The following PTDSS1 variants were observed in gnomAD, a reference collection of about 807,000 sequenced individuals.
PTDSS1 encodes PSS-1.
Under a neutral mutation model 70.5 loss-of-function variants are expected in PTDSS1, and 45 were observed. That is an observed-to-expected ratio of 0.64 (90% CI 0.50 to 0.82). PTDSS1 has a LOEUF of 0.82. PTDSS1 is among the 40% of genes least tolerant of loss of function. PTDSS1 has a pLI of 0.00. For synonymous variants in PTDSS1, 188 were observed against 203.8 expected (o/e 0.92, Z 0.66); for missense variants, 417 against 586.1 (o/e 0.71, Z 2.98).
chr8:96,310,545 A>C (rs1224472882), intron 9 of PTDSS1, among the ~76,000 whole-genome samples: 1 of 151,766 alleles, frequency 6.6e-6, no homozygotes, highest in East Asian at 1.9e-4. Flanking sequence ...GTTTTATGAA[A>C]TACATTAGAG....
intron 2 of PTDSS1, among the ~76,000 whole-genome samples, chr8:96,276,330 T>C (rs1176769876): frequency 3.3e-5 from 5 of 152,262 alleles, no homozygotes; most frequent in Non-Finnish European, 7.3e-5. Context: ...GTGTGATTTC[T>C]TCTGGCTTTG....
chr8:96,333,335 C>T, intron 12 of PTDSS1, 122 bp from the exon 13 acceptor site: 1 of 805,906 alleles, frequency 1.2e-6, no homozygotes. Context: ...AATGAGGCCA[C>T]TAGGGGGAGT....
intron 2 of PTDSS1, among the ~76,000 whole-genome samples, chr8:96,282,940 A>G (rs1197078947): frequency 7.9e-5 from 12 of 152,042 alleles, no homozygotes; most frequent in African/African-American, 2.7e-4. Flanking sequence ...GAAACCAACC[A>G]TATTCTGAGC....
intron 9 of PTDSS1, among the ~76,000 whole-genome samples, chr8:96,310,437 C>T (rs1811193779): frequency 1.3e-5 from 2 of 151,598 alleles, no homozygotes; most frequent in Non-Finnish European, 2.9e-5. Flanking sequence ...GCTGGGATTA[C>T]AGGCATGAGC....
At chr8:96,279,799 A>G (rs1237085827) in intron 2 of PTDSS1, among the ~76,000 whole-genome samples, 1 of 150,798 alleles carries the variant, frequency 6.6e-6, no homozygotes, top group African/African-American at 2.5e-5. Flanking sequence ...AGCTTAGGCA[A>G]CAGAGCAATA....
chr8:96,300,354 G>C (rs943216522), intron 6 of PTDSS1, among the ~76,000 whole-genome samples: 8 of 152,138 alleles, frequency 5.3e-5, no homozygotes, highest in African/African-American at 1.7e-4. Context: ...GCAACCGAGA[G>C]TCTGTTTGTG....
chr8:96,274,631 A>G (rs1007840505), intron 2 of PTDSS1, among the ~76,000 whole-genome samples: 2 of 152,206 alleles, frequency 1.3e-5, no homozygotes, highest in Admixed American at 6.5e-5. Context: ...AAGCTGAGGC[A>G]GGAGAATCGT....
chr8:96,330,798 A>G (rs1811504672), intron 11 of PTDSS1: 2 of 529,394 alleles, frequency 3.8e-6, no homozygotes, highest in Non-Finnish European at 6.7e-6. Context: ...TTACACCTTC[A>G]GTCTAAAGAA....
chr8:96,268,634 CTTTT>C (rs78192816), intron 1 of PTDSS1, among the ~76,000 whole-genome samples: 2 of 137,124 alleles, frequency 1.5e-5, no homozygotes, highest in Non-Finnish European at 3.2e-5. Flanking sequence ...GGAGTGCAAA[CTTTT>C]TTTTTTTTTT....
At chr8:96,276,946 C>G (rs1034650228) in intron 2 of PTDSS1, among the ~76,000 whole-genome samples, 4 of 150,446 alleles carry the variant, frequency 2.7e-5, no homozygotes, top group Non-Finnish European at 5.9e-5. Flanking sequence ...ATCCTTTCTT[C>G]TCCTCCCGGG....
chr8:96,302,296 T>A (rs200813044), intron 6 of PTDSS1, among the ~76,000 whole-genome samples: 2 of 152,254 alleles, frequency 1.3e-5, no homozygotes, highest in African/African-American at 4.8e-5. Flanking sequence ...CCTCCCAAAG[T>A]GCTGGGATTA....
intron 5 of PTDSS1, 150 bp from the exon 6 acceptor site, chr8:96,299,544 G>A (rs1314283912): frequency 6.2e-6 from 5 of 801,488 alleles, no homozygotes; most frequent in African/African-American, 1.8e-5. Flanking sequence ...TGCAGAACCT[G>A]TTACTGTTGG....
At chr8:96,330,361 G>C (rs752398812) in intron 11 of PTDSS1, 80 bp downstream of exon 11, 4 of 1,361,390 alleles carry the variant, frequency 2.9e-6, no homozygotes, top group Non-Finnish European at 4.1e-6. Context: ...GCACGTGCCT[G>C]TAAGGATATG....
chr8:96,300,260 C>G (rs1372191913), intron 6 of PTDSS1, among the ~76,000 whole-genome samples: 3 of 152,118 alleles, frequency 2.0e-5, no homozygotes, highest in Admixed American at 1.3e-4. Flanking sequence ...ATGTCATTGC[C>G]CTGTGATGGC....
intron 1 of PTDSS1, among the ~76,000 whole-genome samples, chr8:96,264,206 A>G (rs1415807051): frequency 6.6e-6 from 1 of 152,162 alleles, no homozygotes; most frequent in Non-Finnish European, 1.5e-5. Context: ...TGGCCACATA[A>G]TTTTGCTAGG....
intron 9 of PTDSS1, among the ~76,000 whole-genome samples, chr8:96,316,015 C>G (rs1811283275): frequency 6.6e-6 from 1 of 152,178 alleles, no homozygotes; most frequent in African/African-American, 2.4e-5. Flanking sequence ...ACTAGCCACT[C>G]TTTGAGTCTT....
In PTDSS1 at chr8:96,285,024, A is replaced by G. The variant is rs138528911; in HGVS notation, c.316+871A>G. Among the ~76,000 whole-genome samples, 544 of 152,352 alleles carry G rather than the reference A, an allele frequency of 3.6e-3. 3 individuals are homozygous for G. Among genetic ancestry groups the G allele is most frequent in the African/African-American group, 0.012 (508 of 41,578 alleles). On this transcript the variant is annotated intron_variant, in intron 3 of 12. Transcript: ENST00000517309. ...CCTGCCCTCAAGGAGCTGCCCTTCC[A>G]CTTGGAGACAAAGGACAGCTAGTAA...
chr8:96,289,884 G>A (rs1043993482), intron 4 of PTDSS1, among the ~76,000 whole-genome samples: 2 of 152,070 alleles, frequency 1.3e-5, no homozygotes, highest in African/African-American at 2.4e-5. Context: ...GTCTGTTTTG[G>A]AATTTTTTTA....
At chr8:96,313,686 C>T (rs1811244647) in intron 9 of PTDSS1, among the ~76,000 whole-genome samples, 2 of 152,288 alleles carry the variant, frequency 1.3e-5, no homozygotes, top group African/African-American at 4.8e-5. Context: ...AGGGCTGCAT[C>T]CTGCCTCCCA....
Sources: gnomAD v4.1 joint callset for allele counts (sites outside exome capture counted in the v4.1 genomes callset) on GRCh38, gnomAD v4.1.1 for gene constraint, MANE v1.5 for transcripts, NCBI Gene and HGNC (gene_info 2026-07-23, HGNC 2026-07-21) for gene names.